The following LAMP5 variants were observed in gnomAD, a reference collection of about 807,000 sequenced individuals.
LAMP5 encodes the protein lysosome associated membrane protein 5, also known as lysosome-associated membrane glycoprotein 5.
A neutral mutation model predicts 30.2 loss-of-function variants in LAMP5; 36 were observed. The observed-to-expected ratio is 1.19, with a 90% CI of 0.91 to 1.57. The LOEUF is 1.57. Ranked by LOEUF, LAMP5 falls within the 40% of genes most tolerant of loss-of-function variation. The pLI is 0.00. For synonymous variants in LAMP5, 149 were observed against 134.6 expected (o/e 1.11, Z -0.74); for missense variants, 377 against 354.9 (o/e 1.06, Z -0.50).
chr20:9,525,909 AG>A (rs2045109059), intron 5 of LAMP5, among the ~76,000 whole-genome samples: 1 of 152,188 alleles, frequency 6.6e-6, no homozygotes, highest in Non-Finnish European at 1.5e-5. Context: ...CATTCTGCCT[AG>A]GAAGGTAGAT....
At chr20:9,520,578 C>CGTGT (rs34089408) in intron 5 of LAMP5, among the ~76,000 whole-genome samples, 61 of 144,510 alleles carry the variant, frequency 4.2e-4, no homozygotes, top group East Asian at 3.8e-3. Context: ...TCCGTGTGTT[C>CGTGT]GTGTGTGTGT....
intron 5 of LAMP5, among the ~76,000 whole-genome samples, chr20:9,528,155 A>G (rs961165023): frequency 6.6e-6 from 1 of 152,184 alleles, no homozygotes; most frequent in African/African-American, 2.4e-5. Flanking sequence ...ATTTGCTACA[A>G]TGTGGATGGC....
chr20:9,516,033 CG>C lies in LAMP5; in HGVS notation c.275del (p.Gly92GlufsTer4). ...AGAACAGGCCGATATCGCATTGACC[CG>C]GGGAGCTGAGGTGAAGGGCCGCTGT... ...ITEQADIALTRGAEVKGRCGH... is the reference protein window; with the variant it reads ...ITEQADIALTXGAEVKGRCGH... On this transcript the variant is annotated frameshift_variant, in exon 3 of 6. Coordinates refer to ENST00000246070, the MANE Select transcript of LAMP5 (RefSeq NM_012261.4). LOFTEE classifies it high-confidence loss of function. 1 of 1,533,794 alleles carries C rather than the reference CG, an allele frequency of 6.5e-7. No homozygotes were observed. The highest frequency in any genetic ancestry group is 8.7e-7 in the Non-Finnish European group (1 of 1,146,998).
At chr20:9,523,334 T>C (rs1395666263) in intron 5 of LAMP5, among the ~76,000 whole-genome samples, 1 of 152,076 alleles carries the variant, frequency 6.6e-6, no homozygotes, top group Non-Finnish European at 1.5e-5. Flanking sequence ...CAGTCCATGG[T>C]GCTAGGAGAG....
At chr20:9,517,069 A>G (rs958932206) in intron 4 of LAMP5, among the ~76,000 whole-genome samples, 3 of 152,208 alleles carry the variant, frequency 2.0e-5, no homozygotes, top group Non-Finnish European at 4.4e-5. Context: ...TTCATCACCC[A>G]GGCACCTGAG....
Position 9,518,122 on chromosome 20 carries a change from A to G in LAMP5, c.558A>G (p.Gln186=). ...AGKSYECQAQ[Q]TISLASSDPQ... ...AGTCCTATGAGTGTCAAGCTCAACAAACCATTTCACTGGCCTCTAGTGATC... is the reference window on the plus strand; with the variant it reads ...AGTCCTATGAGTGTCAAGCTCAACAGACCATTTCACTGGCCTCTAGTGATC... Residue 186 remains glutamine, a synonymous_variant, in exon 5 of 6, where the codon CAA becomes CAG. Coordinates refer to ENST00000246070, the MANE Select transcript of LAMP5 (RefSeq NM_012261.4). 1 of 1,614,114 alleles carries G rather than the reference A, an allele frequency of 6.2e-7. No homozygotes were observed. The highest frequency in any genetic ancestry group is 8.5e-7 in the Non-Finnish European group (1 of 1,179,992).
intron 1 of LAMP5, 145 bp from the exon 2 acceptor site, chr20:9,515,308 G>A: frequency 1.5e-6 from 1 of 671,130 alleles, no homozygotes; most frequent in South Asian, 2.2e-5. Context: ...TTAGACCCGG[G>A]TTAGAGAAAC....
intron 1 of LAMP5, 59 bp from the exon 2 acceptor site, chr20:9,515,394 G>A: frequency 3.3e-6 from 5 of 1,533,276 alleles, no homozygotes; most frequent in Non-Finnish European, 4.4e-6. Flanking sequence ...CCCCACCCTA[G>A]CGCCCGAGAC....
chr20:9,515,040 CT>C, intron 1 of LAMP5, 124 bp downstream of exon 1: 1 of 918,118 alleles, frequency 1.1e-6, no homozygotes, highest in Non-Finnish European at 1.7e-6. Context: ...GGTGTTTTTT[CT>C]TTTTTTCTTT....
At position 9,518,203 on chromosome 20, in the gene LAMP5, T is replaced by C. The variant is rs1393228655; in HGVS notation, c.639T>C (p.Ile213=). Residue 213 remains isoleucine (I), a synonymous_variant, in exon 5 of 6, where the codon ATT becomes ATC. Transcript: ENST00000246070. ...LSAVHIQPFD[I]ISDFVFSEEH... ...CGGTCCACATCCAACCTTTTGACAT[T>C]ATCTCAGATTTTGTCTTCAGTGAAG... The C allele has an allele frequency of 5.6e-6, 9 of 1,614,160 alleles. No individual in the cohort carries two copies. The highest frequency in any genetic ancestry group is 1.1e-5 in the South Asian group (1 of 91,074).
intron 4 of LAMP5, among the ~76,000 whole-genome samples, chr20:9,517,018 T>A (rs1470586257): frequency 6.6e-6 from 1 of 152,234 alleles, no homozygotes; most frequent in African/African-American, 2.4e-5. Flanking sequence ...TAAATTTATT[T>A]TATTCTTTAT....
chr20:9,518,338 A>G, intron 5 of LAMP5, 110 bp downstream of exon 5: 2 of 862,956 alleles, frequency 2.3e-6, no homozygotes, highest in Non-Finnish European at 3.7e-6. Context: ...CTCTAGGTTG[A>G]AATGACACTG....
At position 9,524,167 on chromosome 20, in the gene LAMP5, T is replaced by C. The variant is rs1603172934; in HGVS notation, c.665-5475T>C. 2.6e-5 allele frequency among the ~76,000 whole-genome samples: 4 copies of C among 152,216 alleles called. No homozygotes were observed. In the South Asian group the frequency reaches 8.3e-4, roughly 32 times the overall value. On this transcript the variant is annotated intron_variant, in intron 5 of 5. Coordinates refer to ENST00000246070, the MANE Select transcript of LAMP5 (RefSeq NM_012261.4). Reference sequence around the variant, plus strand: ...TGTTCCAATAAGGAAATACATATATTGCTGTATCTGAAATTCTTTTAAAAA... The same window carrying C: ...TGTTCCAATAAGGAAATACATATATCGCTGTATCTGAAATTCTTTTAAAAA...
intron 5 of LAMP5, among the ~76,000 whole-genome samples, chr20:9,526,824 T>C (rs1368119514): frequency 6.8e-6 from 1 of 146,088 alleles, no homozygotes; most frequent in Non-Finnish European, 1.5e-5. Context: ...TATATATATG[T>C]GTATTATATA....
intron 5 of LAMP5, among the ~76,000 whole-genome samples, chr20:9,528,990 A>G (rs536512513): frequency 2.1e-4 from 32 of 152,314 alleles, no homozygotes; most frequent in African/African-American, 7.7e-4. Flanking sequence ...CAATTTATCC[A>G]TTCCATTTTG....
At chr20:9,518,554 C>T (rs973925448) in intron 5 of LAMP5, among the ~76,000 whole-genome samples, 1 of 152,178 alleles carries the variant, frequency 6.6e-6, no homozygotes, top group Admixed American at 6.5e-5. Flanking sequence ...CCCTCTCTCC[C>T]CATCTTCTTT....
In LAMP5 at chr20:9,530,366, G is replaced by C. The variant is rs1354152352; in HGVS notation, c.*546G>C. 1 of 152,756 alleles carries C rather than the reference G, an allele frequency of 6.5e-6. No individual in the cohort carries two copies. Among genetic ancestry groups the C allele is most frequent in the Non-Finnish European group, 1.5e-5 (1 of 68,136 alleles). The allele number at this position is 152,756 out of a possible 1,614,324, so 9.5% of individuals were successfully genotyped here. ...GTGATTGTCTTGGGAATGTTTCACT[G>C]CTACCCGCATCCAGCGACTGCAGCA... On this transcript the variant is annotated 3_prime_UTR_variant, in exon 6 of 6. Transcript: ENST00000246070.
In LAMP5 at chr20:9,514,611, G is replaced by GC; in HGVS notation, c.-240dup. ...AATCGGATTGCTTTCAGCACTCGCA[G>GC]CCGTGGACCGCCGTGCGGTCCTTTC... On this transcript the variant is annotated 5_prime_UTR_variant, in exon 1 of 6. Transcript: ENST00000246070. The GC allele has an allele frequency of 3.7e-6, 2 of 545,102 alleles. No individual in the cohort carries two copies. Among genetic ancestry groups the GC allele is most frequent in the Non-Finnish European group, 6.5e-6 (2 of 306,074 alleles). The allele number at this position is 545,102 out of a possible 1,614,324, so 33.8% of individuals were successfully genotyped here. A position where few individuals can be genotyped will look rare whatever the true frequency, so the allele number is the denominator to read the frequency against.
At chr20:9,523,937 A>G (rs2045095153) in intron 5 of LAMP5, among the ~76,000 whole-genome samples, 1 of 152,232 alleles carries the variant, frequency 6.6e-6, no homozygotes, top group Non-Finnish European at 1.5e-5. Flanking sequence ...GAAAAAATTT[A>G]TATCTTTATT....
Sources: allele counts gnomAD v4.1 joint callset (sites outside exome capture counted in the v4.1 genomes callset), GRCh38; gene constraint gnomAD v4.1.1; transcripts MANE v1.5; gene names NCBI Gene and HGNC (gene_info 2026-07-23, HGNC 2026-07-21).